Variants in MAU2 observed in about 807,000 individuals in gnomAD.
MAU2 encodes the protein MAU2 chromatid cohesion factor homolog.
MAU2 carries 9 observed loss-of-function variants against 89.1 expected under a neutral mutation model. The observed-to-expected ratio is 0.10, with a 90% CI of 0.06 to 0.18. The LOEUF is 0.18. Among genes scored for constraint, MAU2 ranks in the 10% least tolerant of loss-of-function variants. The pLI is 1.00. For missense variants in MAU2, 425 were observed against 803.5 expected (o/e 0.53, Z 5.69); for synonymous variants, 357 against 343.4 (o/e 1.04, Z -0.44).
rs1020639534 is a variant in MAU2 at position 19,345,572 on chromosome 19, G to C, written c.1221+203G>C. 6.6e-6 allele frequency among the ~76,000 whole-genome samples: 1 copy of C among 152,214 alleles called. No individual in the cohort carries two copies. Among genetic ancestry groups the C allele is most frequent in the Non-Finnish European group, 1.5e-5 (1 of 68,034 alleles). ...GATAAGGGACAGCTATGGGGCCAGGGGCTTCCTGAGCTGACCCAAGGGCAG... is the reference window on the plus strand; with the variant it reads ...GATAAGGGACAGCTATGGGGCCAGGCGCTTCCTGAGCTGACCCAAGGGCAG... On this transcript the variant is annotated intron_variant, in intron 12 of 18. Coordinates refer to ENST00000262815, the MANE Select transcript of MAU2 (RefSeq NM_015329.4). This position sits in a 1 kb window ranked among gnomAD's most constrained non-coding sequence, Gnocchi z 4.9.
intron 1 of MAU2, chr19:19,334,319 G>A (rs1002842363): frequency 3.0e-6 from 3 of 985,574 alleles, no homozygotes; most frequent in Non-Finnish European, 3.6e-6. Flanking sequence ...GAGGGCCTGT[G>A]GTCTGGGCTC....
chr19:19,342,336 C>T (rs1196395735), intron 7 of MAU2, among the ~76,000 whole-genome samples, 199 bp from the exon 8 acceptor site: 1 of 152,220 alleles, frequency 6.6e-6, no homozygotes, highest in Non-Finnish European at 1.5e-5. Flanking sequence ...CCACAGCTGC[C>T]CGCCTGGCTG....
intron 1 of MAU2, among the ~76,000 whole-genome samples, chr19:19,323,063 G>A (rs997333086): frequency 1.3e-5 from 2 of 151,656 alleles, no homozygotes; most frequent in Non-Finnish European, 2.9e-5. Flanking sequence ...GCTAATTTTT[G>A]TATTTTTAGT....
chr19:19,321,179 G>A (rs762770353), intron 1 of MAU2, 44 bp downstream of exon 1: 9 of 1,533,916 alleles, frequency 5.9e-6, no homozygotes, highest in South Asian at 1.2e-5. Context: ...CGGGCTCCTT[G>A]CAAGATCTGG....
rs2047094836 is a variant in MAU2 at position 19,357,931 on chromosome 19, A to C, written c.*2149A>C. On this transcript the variant is annotated 3_prime_UTR_variant, in exon 19 of 19. Coordinates refer to ENST00000262815, the MANE Select transcript of MAU2 (RefSeq NM_015329.4). ...CATAGCATCTCATTCAATTGCAAGA[A>C]TAGAGGCCAGACACGGTGGCGCATG... The C allele has an allele frequency of 1.3e-5, 2 of 152,020 alleles. No homozygotes were observed. Among genetic ancestry groups the C allele is most frequent in the Non-Finnish European group, 2.9e-5 (2 of 68,024 alleles). 9.4% of individuals were successfully genotyped at this position (152,020 alleles called of 1,614,324 possible). A position where few individuals can be genotyped will look rare whatever the true frequency, so the allele number is the denominator to read the frequency against.
Position 19,357,231 on chromosome 19 carries a change from G to C in MAU2, c.*1449G>C, listed in dbSNP as rs1181943131. 3 of 152,330 alleles carry C rather than the reference G, an allele frequency of 2.0e-5. No homozygotes were observed. The highest frequency in any genetic ancestry group is 4.4e-5 in the Non-Finnish European group (3 of 68,146). The allele number at this position is 152,330 out of a possible 1,614,324, so 9.4% of individuals were successfully genotyped here. On this transcript the variant is annotated 3_prime_UTR_variant, in exon 19 of 19. Transcript: ENST00000262815. ...ATCAGCACCAGTGACAGGCTGGTCA[G>C]AGGGCGGGGCTGGTGAGGGTTTGTC...
chr19:19,326,697 T>C lies in MAU2; in HGVS notation c.276+5562T>C, dbSNP rs371304022. ...CGAGACTGTCTCAAAAAAAAATATA[T>C]ATATGTATATATATATATATATACA... On this transcript the variant is annotated intron_variant, in intron 1 of 18. Coordinates refer to ENST00000262815, the MANE Select transcript of MAU2 (RefSeq NM_015329.4). Among the ~76,000 whole-genome samples the C allele has an allele frequency of 1.9e-5, 2 of 105,408 alleles. 1 individual carries two copies. The highest frequency in any genetic ancestry group is 2.2e-4 in the Admixed American group (2 of 8,978). 69.2% of individuals were successfully genotyped at this position (105,408 alleles called of 152,430 possible).
rs553551129 is a variant in MAU2, at chr19:19,345,046, G to A, written c.1155+120G>A. On this transcript the variant is annotated intron_variant, in intron 11 of 18. Coordinates refer to ENST00000262815, the MANE Select transcript of MAU2 (RefSeq NM_015329.4). The surrounding 1 kb of genome is among the most constrained non-coding windows in gnomAD (Gnocchi z 4.9). ...CCTGACAGCACCCTAATCAGAATCC[G>A]GAATGTTCCCATAGGTAATCATATA... is the stretch of plus-strand genomic sequence containing the variant. The A allele has an allele frequency of 6.4e-6, 6 of 938,016 alleles. No individual in the cohort carries two copies. The highest frequency in any genetic ancestry group is 1.4e-5 in the South Asian group (1 of 70,254). 58.1% of individuals were successfully genotyped at this position (938,016 alleles called of 1,614,324 possible).
At chr19:19,355,656 TC>T (rs2146715633) in intron 18 of MAU2, 51 bp from the exon 19 acceptor site, 2 of 1,497,938 alleles carry the variant, frequency 1.3e-6, no homozygotes, top group East Asian at 2.3e-5. Context: ...AACCTCTTCT[TC>T]CCTGGGAACG....
intron 17 of MAU2, chr19:19,355,054 C>T: frequency 1.7e-6 from 1 of 579,220 alleles, no homozygotes; most frequent in Non-Finnish European, 3.0e-6. Context: ...TGGGCTTTCA[C>T]TGCCCAGCCA....
intron 16 of MAU2, chr19:19,354,019 C>A: frequency 2.9e-6 from 1 of 342,914 alleles, no homozygotes; most frequent in Admixed American, 3.8e-5. Flanking sequence ...TATGAATCTG[C>A]ATTTCTGATC....
chr19:19,344,596 G>C lies in MAU2; in HGVS notation c.1078-253G>C, dbSNP rs1454094033. 3 of 562,242 alleles carry C rather than the reference G, an allele frequency of 5.3e-6. No individual in the cohort carries two copies. The African/African-American group carries it at 5.6e-5, about 11-fold the overall frequency. The allele number at this position is 562,242 out of a possible 1,614,324, so 34.8% of individuals were successfully genotyped here. A position where few individuals can be genotyped will look rare whatever the true frequency, so the allele number is the denominator to read the frequency against. On this transcript the variant is annotated intron_variant, in intron 10 of 18. Transcript: ENST00000262815. ...GAGAGGGCATGGGGGCCCTCAGTAG[G>C]CTGGAGGTCCTTTACAACCCAGACA... is the stretch of plus-strand genomic sequence containing the variant.
intron 10 of MAU2, 132 bp downstream of exon 10, chr19:19,344,072 G>A (rs911866714): frequency 2.3e-5 from 16 of 708,710 alleles, no homozygotes; most frequent in African/African-American, 7.0e-5. Flanking sequence ...GTCGGCCAGC[G>A]TTTTACAGCC....
At chr19:19,322,444 C>G (rs1158805867) in intron 1 of MAU2, among the ~76,000 whole-genome samples, 4 of 152,106 alleles carry the variant, frequency 2.6e-5, no homozygotes, top group African/African-American at 9.7e-5. Flanking sequence ...ACAAAAAATA[C>G]AAAAACTAGC....
intron 1 of MAU2, among the ~76,000 whole-genome samples, chr19:19,324,471 C>T (rs1599885980): frequency 6.6e-6 from 1 of 152,194 alleles, no homozygotes; most frequent in South Asian, 2.1e-4. Context: ...TCTCCTTTCT[C>T]TCCATGAACA....
intron 1 of MAU2, among the ~76,000 whole-genome samples, chr19:19,333,223 G>A (rs1325023178): frequency 6.6e-6 from 1 of 152,136 alleles, no homozygotes; most frequent in East Asian, 1.9e-4. Flanking sequence ...GATGTCCAAC[G>A]CCTGTAATCC....
At chr19:19,351,031 C>T (rs1386259994) in intron 16 of MAU2, among the ~76,000 whole-genome samples, 1 of 151,942 alleles carries the variant, frequency 6.6e-6, no homozygotes, top group African/African-American at 2.4e-5. Flanking sequence ...TAGTGAGACC[C>T]TCTTTTTTTT....
chr19:19,340,716 C>T, intron 5 of MAU2, 130 bp from the exon 6 acceptor site: 2 of 670,792 alleles, frequency 3.0e-6, no homozygotes, highest in Non-Finnish European at 5.0e-6. Context: ...TGTAAGGGGA[C>T]TGTTCTCTGT....
intron 16 of MAU2, chr19:19,353,794 G>C (rs530437331): frequency 6.9e-4 from 114 of 164,596 alleles, no homozygotes; most frequent in African/African-American, 2.7e-3. Flanking sequence ...GGCTCTTACT[G>C]AGCTCTTCCT....
Sources: allele counts gnomAD v4.1 joint callset (sites outside exome capture counted in the v4.1 genomes callset), GRCh38; gene constraint gnomAD v4.1.1; non-coding constraint Gnocchi (gnomAD v3.1); transcripts MANE v1.5; gene names NCBI Gene and HGNC (gene_info 2026-07-23, HGNC 2026-07-21).